The following TMCO5A variants were observed in gnomAD, a reference collection of about 807,000 sequenced individuals.
TMCO5A encodes transmembrane and coiled-coil domain-containing protein 5A.
TMCO5A carries 34 observed loss-of-function variants against 42.3 expected under a neutral mutation model. The ratio of observed to expected loss-of-function variants is 0.80; its 90% CI spans 0.61 to 1.07. The LOEUF (loss-of-function observed/expected upper bound fraction) is 1.07. TMCO5A is among the 50% of genes least tolerant of loss of function. TMCO5A has a pLI of 0.00. For synonymous variants in TMCO5A, 131 were observed against 115.6 expected (o/e 1.13, Z -0.86); for missense variants, 357 against 327.9 (o/e 1.09, Z -0.69).
intron 9 of TMCO5A, chr15:37,943,086 A>G (rs991134346): frequency 2.9e-6 from 1 of 344,640 alleles, no homozygotes; most frequent in Non-Finnish European, 5.3e-6. Flanking sequence ...GATTCTAGAA[A>G]AGGTTGCCCA....
At chr15:37,973,812 G>C in the TMCO5A span, among the ~76,000 whole-genome samples, 2 of 152,288 alleles carry the variant, frequency 1.3e-5, no homozygotes, top group African/African-American at 4.8e-5. Flanking sequence ...TGTTGAATAT[G>C]AGTGGTGAAA....
chr15:37,942,987 G>T, intron 9 of TMCO5A: 1 of 189,590 alleles, frequency 5.3e-6, no homozygotes. Context: ...CAGGGTCCTA[G>T]GACTTGTAGG....
At position 37,937,315 on chromosome 15, in the gene TMCO5A, G is replaced by A. The variant is rs759628335; in HGVS notation, c.265-31G>A. 1.2e-6 allele frequency: 2 copies of A among 1,611,170 alleles called. 1 individual carries two copies. Among genetic ancestry groups the A allele is most frequent in the South Asian group, 2.2e-5 (2 of 91,002 alleles). ...GAATAAGAACAGATGGAGTACAGAG[G>A]CAGATTTACACTGTTATTTCTCTCT... On this transcript the variant is annotated intron_variant, in intron 4 of 11. Transcript: ENST00000319669.
chr15:37,991,071 T>G, the TMCO5A span, among the ~76,000 whole-genome samples: 1 of 152,134 alleles, frequency 6.6e-6, no homozygotes, highest in Non-Finnish European at 1.5e-5. Context: ...GCTTTTAGAA[T>G]AGTAATTTTA....
At chr15:38,005,175 G>A in the TMCO5A span, among the ~76,000 whole-genome samples, 1 of 150,242 alleles carries the variant, frequency 6.7e-6, no homozygotes, top group Non-Finnish European at 1.5e-5. Flanking sequence ...AGGGCACCTA[G>A]AGAGAGGATC....
the TMCO5A span, among the ~76,000 whole-genome samples, chr15:38,000,384 AT>A: frequency 6.6e-6 from 1 of 151,410 alleles, no homozygotes. Context: ...TCATCTCAGA[AT>A]TTTTTTTATT....
chr15:37,945,349 T>C (rs1180450551), intron 10 of TMCO5A, among the ~76,000 whole-genome samples: 2 of 152,176 alleles, frequency 1.3e-5, no homozygotes, highest in Admixed American at 6.6e-5. Context: ...TGTGCATGTG[T>C]CTCTATGATA....
chr15:38,004,545 T>C, the TMCO5A span, among the ~76,000 whole-genome samples: 2 of 152,130 alleles, frequency 1.3e-5, no homozygotes, highest in Non-Finnish European at 2.9e-5. Context: ...GTGAAGCTTG[T>C]TGGAACTCAG....
At chr15:38,035,469 T>G in the TMCO5A span, among the ~76,000 whole-genome samples, 1 of 152,236 alleles carries the variant, frequency 6.6e-6, no homozygotes, top group South Asian at 2.1e-4. Context: ...AAGTAGAGCC[T>G]AAAATAAGAA....
intron 11 of TMCO5A, among the ~76,000 whole-genome samples, chr15:37,964,586 C>T (rs555778522): frequency 6.6e-6 from 1 of 151,938 alleles, no homozygotes; most frequent in African/African-American, 2.4e-5. Flanking sequence ...GATGACCTGT[C>T]CCCACTTTGT....
At chr15:38,037,755 C>T in the TMCO5A span, among the ~76,000 whole-genome samples, 1 of 152,178 alleles carries the variant, frequency 6.6e-6, no homozygotes, top group Admixed American at 6.5e-5. Context: ...TGGCTCACGC[C>T]TGTAATTCCA....
the TMCO5A span, among the ~76,000 whole-genome samples, chr15:37,979,413 A>G: frequency 6.6e-6 from 1 of 152,190 alleles, no homozygotes; most frequent in South Asian, 2.1e-4. Context: ...CATTCTTGGC[A>G]GAATGTGGTA....
chr15:38,005,135 C>A, the TMCO5A span, among the ~76,000 whole-genome samples: 1 of 151,846 alleles, frequency 6.6e-6, no homozygotes, highest in Non-Finnish European at 1.5e-5. Context: ...CCAGTATGCC[C>A]TTGTAGGTCT....
chr15:38,008,744 TGA>T, the TMCO5A span, among the ~76,000 whole-genome samples: 9 of 152,246 alleles, frequency 5.9e-5, no homozygotes, highest in Non-Finnish European at 1.2e-4. Flanking sequence ...CCATCTGAAG[TGA>T]GGCATGTCAG....
At position 37,942,932 on chromosome 15, in the gene TMCO5A, A is replaced by T. The variant is rs966097290; in HGVS notation, c.570-409A>T. Reference sequence around the variant, plus strand: ...ATTTTTAAATCCTTAGATCAAGAACAAGAGATCAAAACTGCATATAGCCTC... The same window carrying T: ...ATTTTTAAATCCTTAGATCAAGAACTAGAGATCAAAACTGCATATAGCCTC... On this transcript the variant is annotated intron_variant, in intron 9 of 11. Coordinates refer to ENST00000319669, the MANE Select transcript of TMCO5A (RefSeq NM_152453.4). 1.1e-4 allele frequency: 17 copies of T among 154,822 alleles called. 1 individual carries two copies. The highest frequency in any genetic ancestry group is 1.3e-4 in the Admixed American group (2 of 15,498). The allele number at this position is 154,822 out of a possible 1,614,324, so 9.6% of individuals were successfully genotyped here. A position where few individuals can be genotyped will look rare whatever the true frequency, so the allele number is the denominator to read the frequency against.
chr15:38,011,328 C>T, the TMCO5A span, among the ~76,000 whole-genome samples: 2 of 152,286 alleles, frequency 1.3e-5, no homozygotes, highest in South Asian at 4.2e-4. Context: ...TTTCTTGTCA[C>T]ACGTGTCCCT....
chr15:38,036,066 G>GT, the TMCO5A span, among the ~76,000 whole-genome samples: 1 of 152,024 alleles, frequency 6.6e-6, no homozygotes, highest in African/African-American at 2.4e-5. Flanking sequence ...TCAGCCTCAC[G>GT]TCCCCTCCAT....
chr15:37,943,692 A>G (rs1194387978), intron 10 of TMCO5A: 4 of 341,798 alleles, frequency 1.2e-5, no homozygotes, highest in South Asian at 7.6e-5. Flanking sequence ...GGTATGCTCT[A>G]TAGAAAGAGG....
chr15:37,966,209 C>T (rs1017299515), intron 11 of TMCO5A, among the ~76,000 whole-genome samples: 2 of 151,692 alleles, frequency 1.3e-5, no homozygotes, highest in African/African-American at 4.8e-5. Context: ...TACAGTTGAA[C>T]TCATGAAGAT....
Sources: allele counts gnomAD v4.1 joint callset (sites outside exome capture counted in the v4.1 genomes callset), GRCh38; gene constraint gnomAD v4.1.1; transcripts MANE v1.5; gene names NCBI Gene and HGNC (gene_info 2026-07-23, HGNC 2026-07-21).